Variants in FBN2 observed in about 807,000 individuals in gnomAD.
FBN2 encodes fibrillin-2.
In FBN2, 105 loss-of-function variants were observed where a neutral mutation model predicts 355.6. That is an observed-to-expected ratio of 0.30 (90% CI 0.25 to 0.35). The LOEUF is 0.35. Among genes scored for constraint, FBN2 ranks in the 10% least tolerant of loss-of-function variants. The pLI is 1.00. For missense variants in FBN2, 3,280 were observed against 3,758.7 expected, an observed-to-expected ratio of 0.87 and a Z score of 3.33; for synonymous variants, 1,350 against 1,301.2, an observed-to-expected ratio of 1.04 and a Z score of -0.81.
intron 48 of FBN2, among the ~76,000 whole-genome samples, chr5:128,294,720 T>C (rs1749450626): frequency 6.6e-6 from 1 of 151,156 alleles, no homozygotes; most frequent in South Asian, 2.1e-4. Flanking sequence ...TTGAGTTCAT[T>C]GTAGATTCTG....
chr5:128,283,820 A>G (rs1023952095), intron 55 of FBN2, among the ~76,000 whole-genome samples: 3 of 152,182 alleles, frequency 2.0e-5, no homozygotes, highest in Non-Finnish European at 4.4e-5. Context: ...AATCTTTTCC[A>G]TATCAGTTAA....
intron 5 of FBN2, among the ~76,000 whole-genome samples, chr5:128,490,835 A>G (rs539234972): frequency 6.6e-6 from 1 of 152,342 alleles, no homozygotes; most frequent in Non-Finnish European, 1.5e-5. Context: ...AATAAATAGT[A>G]AAATTTCTAC....
At position 128,259,299 on chromosome 5, in the gene FBN2, C is replaced by A; in HGVS notation, c.*156G>T. The A allele has an allele frequency of 3.1e-6, 3 of 963,550 alleles. No individual in the cohort carries two copies. Among genetic ancestry groups the A allele is most frequent in the Non-Finnish European group, 3.3e-6 (2 of 615,136 alleles). 59.7% of individuals were successfully genotyped at this position (963,550 alleles called of 1,614,324 possible). On this transcript the variant is annotated 3_prime_UTR_variant, in exon 65 of 65. Transcript: ENST00000262464. The stretch of plus-strand genomic sequence containing the variant: ...TGGCCATACCAGAGTCTAAATTATC[C>A]CTCCCTGTGAGGGTCAACATTCAAA...
chr5:128,332,054 A>G (rs547542545), intron 32 of FBN2, among the ~76,000 whole-genome samples: 1 of 152,238 alleles, frequency 6.6e-6, no homozygotes, highest in African/African-American at 2.4e-5. Flanking sequence ...TGATACTTCA[A>G]ATTCTATAGT....
chr5:128,338,671 C>A (rs923584384), intron 26 of FBN2, among the ~76,000 whole-genome samples: 2 of 152,184 alleles, frequency 1.3e-5, no homozygotes, highest in African/African-American at 4.8e-5. Context: ...CCTAAATAAA[C>A]AGTCTGTGTG....
rs1180115307 is a variant in FBN2, at chr5:128,288,418, T to G, written c.6757+20A>C. The G allele has an allele frequency of 4.3e-6, 7 of 1,613,224 alleles. No homozygotes were observed. Among genetic ancestry groups the G allele is most frequent in the Non-Finnish European group, 5.9e-6 (7 of 1,179,524 alleles). On this transcript the variant is annotated intron_variant, in intron 53 of 64. Transcript: ENST00000262464. ...TTTCTATGTCAAGAAGAAATAATAT[T>G]TAAGACAAAGATCACTTGCCTTCAC... is the stretch of plus-strand genomic sequence containing the variant.
chr5:128,361,712 A>ACAGCT lies in FBN2; in HGVS notation c.2554+6_2554+10dup. 6.2e-7 allele frequency: 1 copy of ACAGCT among 1,614,118 alleles called. No individual in the cohort carries two copies. The highest frequency in any genetic ancestry group is 8.5e-7 in the Non-Finnish European group (1 of 1,179,962). On this transcript the variant is annotated intron_variant, in intron 19 of 64. Transcript: ENST00000262464. Reference sequence around the variant, plus strand: ...ACTATGCACAAATAAGGCGATGAAGACAGCTCTTACCTTCACAGGTCTCTG... The same window carrying ACAGCT: ...ACTATGCACAAATAAGGCGATGAAGACAGCTCAGCTCTTACCTTCACAGGTCTCTG...
At chr5:128,459,809 T>C (rs1754507677) in intron 6 of FBN2, among the ~76,000 whole-genome samples, 1 of 152,182 alleles carries the variant, frequency 6.6e-6, no homozygotes, top group Admixed American at 6.5e-5. Flanking sequence ...TGATGGAACA[T>C]ATCTCAAAAT....
intron 7 of FBN2, among the ~76,000 whole-genome samples, chr5:128,416,990 A>G (rs1435611350): frequency 6.6e-6 from 1 of 152,116 alleles, no homozygotes; most frequent in Admixed American, 6.5e-5. Flanking sequence ...TAAGCATGGA[A>G]TGTCTTTCCA....
rs1755318760 is a variant in FBN2, at chr5:128,485,674, G to C, written c.629-20753C>G. On this transcript the variant is annotated intron_variant, in intron 5 of 64. Transcript: ENST00000262464. ...TATAAGCATGTACTAAATACATTATGAGTTCATGAGGGCGGTTACACTCTG... is the reference window on the plus strand; with the variant it reads ...TATAAGCATGTACTAAATACATTATCAGTTCATGAGGGCGGTTACACTCTG... Among the ~76,000 whole-genome samples, 3 of 152,240 alleles carry C rather than the reference G, an allele frequency of 2.0e-5. No homozygotes were observed. In the South Asian group the frequency reaches 6.2e-4, roughly 32 times the overall value.
rs114530437 is a variant in FBN2, at chr5:128,382,000, A to T, written c.1604-3110T>A. 6.4e-3 allele frequency among the ~76,000 whole-genome samples: 969 copies of T among 152,148 alleles called. 12 individuals carry two copies. Among genetic ancestry groups the T allele is most frequent in the African/African-American group, 0.022 (901 of 41,518 alleles). ...AGTGGACCTAAGACATTTTTGGCAAAATTATGATGCTAACTCTCTCTATAC... is the reference window on the plus strand; with the variant it reads ...AGTGGACCTAAGACATTTTTGGCAATATTATGATGCTAACTCTCTCTATAC... On this transcript the variant is annotated intron_variant, in intron 11 of 64. Transcript: ENST00000262464.
At chr5:128,340,839 A>C (rs1375372981) in intron 25 of FBN2, among the ~76,000 whole-genome samples, 1 of 151,968 alleles carries the variant, frequency 6.6e-6, no homozygotes, top group African/African-American at 2.4e-5. Flanking sequence ...CTCTCTCTAT[A>C]TATATATGCA....
At chr5:128,286,901 T>A in intron 54 of FBN2, 52 bp from the exon 55 acceptor site, 5 of 1,560,700 alleles carry the variant, frequency 3.2e-6, no homozygotes, top group Non-Finnish European at 3.5e-6. Context: ...TGTAGTTTAG[T>A]ACTTTTAAGT....
intron 5 of FBN2, among the ~76,000 whole-genome samples, chr5:128,510,973 A>G (rs1756112339): frequency 6.6e-6 from 1 of 152,030 alleles, no homozygotes; most frequent in Non-Finnish European, 1.5e-5. Context: ...ACTTCTTTAT[A>G]CCTCCATTTT....
chr5:128,303,508 CAAACTTTAGTTTACTT>C (rs35746312), intron 45 of FBN2, among the ~76,000 whole-genome samples: 7,139 of 152,192 alleles, frequency 0.047, 577 homozygotes, highest in African/African-American at 0.16. Context: ...AAAACAAAGA[CAAACTTTAGTTTACTT>C]AATTGTATGA....
intron 11 of FBN2, among the ~76,000 whole-genome samples, chr5:128,389,532 C>T (rs1232413901): frequency 2.6e-5 from 4 of 152,188 alleles, no homozygotes; most frequent in Admixed American, 6.5e-5. Flanking sequence ...CAAGACTGCT[C>T]TGCTCTGTCC....
chr5:128,392,760 G>C (rs573652067), intron 10 of FBN2, among the ~76,000 whole-genome samples: 1 of 152,306 alleles, frequency 6.6e-6, no homozygotes, highest in South Asian at 2.1e-4. Flanking sequence ...GAACAGGGCA[G>C]CTTTAAACAG....
At chr5:128,412,019 A>G (rs1156284664) in intron 7 of FBN2, among the ~76,000 whole-genome samples, 2 of 152,220 alleles carry the variant, frequency 1.3e-5, no homozygotes, top group African/African-American at 4.8e-5. Flanking sequence ...TGCTCATGGG[A>G]AAAAGCAGAG....
At position 128,434,396 on chromosome 5, in the gene FBN2, A is replaced by ATATATATATATG. The variant is rs1430962455; in HGVS notation, c.952+12084_952+12085insCATATATATATA. Among the ~76,000 whole-genome samples the ATATATATATATG allele has an allele frequency of 1.3e-3, 82 of 64,186 alleles. 8 individuals carry two copies. Among genetic ancestry groups the ATATATATATATG allele is most frequent in the Middle Eastern group, 6.9e-3 (1 of 144 alleles). 42.1% of individuals were successfully genotyped at this position (64,186 alleles called of 152,430 possible). The stretch of plus-strand genomic sequence containing the variant: ...ATGCCTGGCAGTGAATAAAGTGTGT[A>ATATATATATATG]TATATATATATATATATATATATAT... On this transcript the variant is annotated intron_variant, in intron 7 of 64. Transcript: ENST00000262464.
Sources: allele counts gnomAD v4.1 joint callset (sites outside exome capture counted in the v4.1 genomes callset), GRCh38; gene constraint gnomAD v4.1.1; transcripts MANE v1.5; gene names NCBI Gene and HGNC (gene_info 2026-07-23, HGNC 2026-07-21).